Variants in SPEF2 observed in about 807,000 individuals in gnomAD.
SPEF2 encodes the protein sperm flagellar and cilia associated 2.
Under a neutral mutation model 224.6 loss-of-function variants are expected in SPEF2, and 187 were observed. The ratio of observed to expected loss-of-function variants is 0.83; its 90% CI spans 0.74 to 0.94. The LOEUF is 0.94. SPEF2 is among the 40% of genes least tolerant of loss of function. The pLI, the probability that SPEF2 is intolerant of heterozygous loss-of-function variation, is 0.00. For synonymous variants in SPEF2, 715 were observed against 707.3 expected, an observed-to-expected ratio of 1.01 and a Z score of -0.17; for missense variants, 2,170 against 2,135.6, an observed-to-expected ratio of 1.02 and a Z score of -0.32.
chr5:35,696,858 G>T (rs183278973), intron 14 of SPEF2, among the ~76,000 whole-genome samples: 1 of 152,298 alleles, frequency 6.6e-6, no homozygotes, highest in East Asian at 1.9e-4. Context: ...GCCTTAAGCA[G>T]ATTGAAAGAG....
At chr5:35,627,043 T>C (rs1744358289) in intron 1 of SPEF2, among the ~76,000 whole-genome samples, 1 of 151,906 alleles carries the variant, frequency 6.6e-6, no homozygotes, top group Non-Finnish European at 1.5e-5. Flanking sequence ...TGCAATGACA[T>C]ATAATATTTT....
intron 20 of SPEF2, among the ~76,000 whole-genome samples, chr5:35,722,105 A>T (rs79036640): frequency 6.6e-6 from 1 of 151,816 alleles, no homozygotes; most frequent in Non-Finnish European, 1.5e-5. Flanking sequence ...AAAAAAAAAA[A>T]CAGTTTAAAA....
At chr5:35,788,696 G>A in intron 30 of SPEF2, 1 of 703,020 alleles carries the variant, frequency 1.4e-6, no homozygotes, top group Non-Finnish European at 2.6e-6. Flanking sequence ...CCATAGCATA[G>A]AGGGAGAGAA....
chr5:35,812,003 T>C (rs1384989060), intron 36 of SPEF2, among the ~76,000 whole-genome samples: 1 of 152,040 alleles, frequency 6.6e-6, no homozygotes, highest in Admixed American at 6.6e-5. Context: ...TTAGCCAGGA[T>C]GGTCTCGATC....
chr5:35,750,995 A>ATATG (rs1554048582), intron 23 of SPEF2, among the ~76,000 whole-genome samples: 2 of 121,502 alleles, frequency 1.6e-5, no homozygotes, highest in African/African-American at 6.8e-5. Context: ...ATATATATAT[A>ATATG]TGTATATATA....
At chr5:35,706,600 TG>T (rs1291425119) in intron 18 of SPEF2, among the ~76,000 whole-genome samples, 1 of 152,136 alleles carries the variant, frequency 6.6e-6, no homozygotes, top group Non-Finnish European at 1.5e-5. Context: ...TAATAAAAAA[TG>T]GTCAAAGTTA....
intron 4 of SPEF2, among the ~76,000 whole-genome samples, chr5:35,644,828 G>T (rs1052666287): frequency 9.9e-5 from 15 of 152,128 alleles, no homozygotes; most frequent in Non-Finnish European, 2.2e-4. Flanking sequence ...TAGTGATGGA[G>T]GGTTGCTATT....
chr5:35,774,089 A>G (rs1333575026), intron 28 of SPEF2, 68 bp downstream of exon 28: 2 of 1,560,490 alleles, frequency 1.3e-6, no homozygotes, highest in Non-Finnish European at 8.7e-7. Flanking sequence ...ACAGCCCACA[A>G]CTGGCTCATC....
At chr5:35,676,729 A>G (rs545050448) in intron 10 of SPEF2, among the ~76,000 whole-genome samples, 1 of 151,598 alleles carries the variant, frequency 6.6e-6, no homozygotes, top group Non-Finnish European at 1.5e-5. Flanking sequence ...ACTCTGACTC[A>G]AAAGAAAAAA....
chr5:35,799,908 G>A (rs998178271), intron 33 of SPEF2, 60 bp from the exon 34 acceptor site: 17 of 1,573,768 alleles, frequency 1.1e-5, no homozygotes, highest in Non-Finnish European at 1.4e-5. Flanking sequence ...TTCATTGCAT[G>A]ACTAACTACT....
chr5:35,664,372 GGAAGGAAGGAAA>G (rs1466588866), intron 8 of SPEF2, among the ~76,000 whole-genome samples: 1 of 151,404 alleles, frequency 6.6e-6, no homozygotes, highest in Non-Finnish European at 1.5e-5. Context: ...AAAGAAGGAA[GGAAGGAAGGAAA>G]GAAGGAAGGA....
chr5:35,798,675 C>T (rs1451607377), intron 33 of SPEF2, among the ~76,000 whole-genome samples: 1 of 152,070 alleles, frequency 6.6e-6, no homozygotes, highest in South Asian at 2.1e-4. Flanking sequence ...CTCACTGCAA[C>T]CTCCACCTCC....
intron 24 of SPEF2, 40 bp from the exon 25 acceptor site, chr5:35,759,528 G>GT: frequency 6.7e-7 from 1 of 1,498,724 alleles, no homozygotes. Context: ...AGATCAGCTT[G>GT]TTCTTTCTTG....
In SPEF2 at chr5:35,739,938, T is replaced by G; in HGVS notation, c.3083T>G (p.Val1028Gly). The change falls in exon 22 of 37, where the codon GTA becomes GGA. Residue 1028 changes from valine (V) to glycine (G), a missense_variant. By Grantham distance (109) the Val-to-Gly change is moderately radical. Transcript: ENST00000356031. ...PVPEEMPLFLVPYWELIENSY... is the reference protein window; with the variant it reads ...PVPEEMPLFLGPYWELIENSY... ...TAACAGGAAATGCCTTTGTTTTTAG[T>G]ACCTTACTGGGAACTAATAGAAAAT... 1 of 1,613,712 alleles carries G rather than the reference T, an allele frequency of 6.2e-7. No homozygotes were observed. The highest frequency in any genetic ancestry group is 8.5e-7 in the Non-Finnish European group (1 of 1,179,910).
intron 26 of SPEF2, among the ~76,000 whole-genome samples, chr5:35,769,295 A>G (rs879667384): frequency 5.3e-5 from 8 of 152,108 alleles, no homozygotes; most frequent in Admixed American, 5.2e-4. Context: ...TAGGGGAAGA[A>G]TTTTAGCAAG....
rs1554059228 is a variant in SPEF2, at chr5:35,793,759, C to CACACACACACACACACAT, written c.4737+427_4737+428insCACACACATACACACACA. Among the ~76,000 whole-genome samples the CACACACACACACACACAT allele has an allele frequency of 1.6e-4, 23 of 141,870 alleles. 1 individual carries two copies. Among genetic ancestry groups the CACACACACACACACACAT allele is most frequent in the East Asian group, 8.4e-4 (4 of 4,778 alleles). The allele number at this position is 141,870 out of a possible 152,430, so 93.1% of individuals were successfully genotyped here. A position where few individuals can be genotyped will look rare whatever the true frequency, so the allele number is the denominator to read the frequency against. Reference sequence around the variant, plus strand: ...ACACACACACACACACACACACACACACACACACAGGGAAAGGAGCAGGTT... The same window carrying CACACACACACACACACAT: ...ACACACACACACACACACACACACACACACACACACACACACATACACACACAGGGAAAGGAGCAGGTT... On this transcript the variant is annotated intron_variant, in intron 32 of 36. Coordinates refer to ENST00000356031, the MANE Select transcript of SPEF2 (RefSeq NM_024867.4).
rs1753591975 is a variant in SPEF2, at chr5:35,776,179, G to A, written c.4079-78G>A. On this transcript the variant is annotated intron_variant, in intron 28 of 36. Transcript: ENST00000356031. Reference sequence around the variant, plus strand: ...AGCTTCACAAATTGAAGCACCAGTGGTTTCAAAGTGAATCTGTTCATTAGT... The same window carrying A: ...AGCTTCACAAATTGAAGCACCAGTGATTTCAAAGTGAATCTGTTCATTAGT... The A allele has an allele frequency of 4.9e-6, 7 of 1,422,930 alleles. No individual in the cohort carries two copies. In the Admixed American group the frequency reaches 6.9e-5, roughly 14 times the overall value. 88.1% of individuals were successfully genotyped at this position (1,422,930 alleles called of 1,614,324 possible).
chr5:35,664,288 A>G (rs1316443939), intron 8 of SPEF2, among the ~76,000 whole-genome samples: 8 of 151,594 alleles, frequency 5.3e-5, no homozygotes, highest in Admixed American at 6.6e-5. Flanking sequence ...GAAAAAAAAA[A>G]AAAAGAGGAA....
intron 2 of SPEF2, among the ~76,000 whole-genome samples, chr5:35,634,870 A>G (rs1745610774): frequency 6.6e-6 from 1 of 151,916 alleles, no homozygotes; most frequent in South Asian, 2.1e-4. Flanking sequence ...TCTATATGCC[A>G]TTTAGGTTTT....
Sources: gnomAD v4.1 joint callset for allele counts (sites outside exome capture counted in the v4.1 genomes callset) on GRCh38, gnomAD v4.1.1 for gene constraint, MANE v1.5 for transcripts, NCBI Gene and HGNC (gene_info 2026-07-23, HGNC 2026-07-21) for gene names.